Variants in PREX1 observed in about 807,000 individuals in gnomAD.
PREX1 encodes phosphatidylinositol-3,4,5-trisphosphate dependent Rac exchange factor 1.
In PREX1, 41 loss-of-function variants were observed where a neutral mutation model predicts 198.3. That is an observed-to-expected ratio of 0.21 (90% CI 0.16 to 0.27). The LOEUF is 0.27. Among genes scored for constraint, PREX1 ranks in the 10% least tolerant of loss-of-function variants. The probability of loss-of-function intolerance (pLI) is 1.00; values close to 1 mark genes in which losing one functional copy is unlikely to be tolerated. For synonymous variants in PREX1, 843 were observed against 887.2 expected (o/e 0.95, Z 0.89); for missense variants, 1,620 against 2,200.7 (o/e 0.74, Z 5.28).
At position 48,650,957 on chromosome 20, in the gene PREX1, C is replaced by T. The variant is rs985041507; in HGVS notation, c.2754G>A (p.Glu918=). 1.9e-6 allele frequency: 3 copies of T among 1,614,218 alleles called. No individual in the cohort carries two copies. Among genetic ancestry groups the T allele is most frequent in the Non-Finnish European group, 2.5e-6 (3 of 1,180,046 alleles). Residue 918 remains glutamate, a synonymous_variant, in exon 23 of 40, where the codon GAG becomes GAA. Transcript: ENST00000371941. ...SSAIVTMPHF[E]FRNICDTKLE... Reference sequence around the variant, plus strand: ...GCTTGGTGTCACAGATGTTGCGGAACTCAAAGTGGGGCATGGTCACGATGG... The same window carrying T: ...GCTTGGTGTCACAGATGTTGCGGAATTCAAAGTGGGGCATGGTCACGATGG...
At chr20:48,769,692 C>T (rs552231979) in intron 1 of PREX1, among the ~76,000 whole-genome samples, 26 of 152,328 alleles carry the variant, frequency 1.7e-4, no homozygotes, top group African/African-American at 5.8e-4. Flanking sequence ...CCTGTCACCA[C>T]GTAACCACAT....
rs1257220716 is a variant in PREX1, at chr20:48,663,522, C to T, written c.1738+2761G>A. On this transcript the variant is annotated intron_variant, in intron 15 of 39. Coordinates refer to ENST00000371941, the MANE Select transcript of PREX1 (RefSeq NM_020820.4). ...AGCCTGGGTGACAAGAGTGAGACTT[C>T]GTCTCAAAAAACAAACTATGGCTCA... is the stretch of plus-strand genomic sequence containing the variant. Among the ~76,000 whole-genome samples the T allele has an allele frequency of 6.6e-5, 10 of 152,140 alleles. No individual in the cohort carries two copies. The South Asian group carries it at 8.3e-4, about 13-fold the overall frequency.
chr20:48,634,551 T>A (rs1386543509), intron 33 of PREX1, 125 bp downstream of exon 33: 1 of 859,832 alleles, frequency 1.2e-6, no homozygotes, highest in Non-Finnish European at 1.8e-6. Context: ...TTGACAGCAC[T>A]GAGTACTGAG....
chr20:48,759,107 T>C lies in PREX1; in HGVS notation c.220-11227A>G, dbSNP rs551411434. Among the ~76,000 whole-genome samples, 65 of 152,230 alleles carry C rather than the reference T, an allele frequency of 4.3e-4. 1 individual carries two copies. Among genetic ancestry groups the C allele is most frequent in the African/African-American group, 1.5e-3 (64 of 41,562 alleles). On this transcript the variant is annotated intron_variant, in intron 1 of 39. Transcript: ENST00000371941. The stretch of plus-strand genomic sequence containing the variant: ...GTAAGAGTGGATGAGGCTCAAAGGC[T>C]AGAACTAGCCACCTGGTTCAAATCC...
intron 33 of PREX1, among the ~76,000 whole-genome samples, chr20:48,633,981 TGATGGTTGGATG>T (rs1280443936): frequency 3.9e-5 from 6 of 151,900 alleles, no homozygotes; most frequent in African/African-American, 1.2e-4. Flanking sequence ...GACGGATGGA[TGATGGTTGGATG>T]GATGGATGGA....
Position 48,817,908 on chromosome 20 carries a change from C to T in PREX1, c.219+9734G>A, listed in dbSNP as rs1026989795. On this transcript the variant is annotated intron_variant, in intron 1 of 39. Coordinates refer to ENST00000371941, the MANE Select transcript of PREX1 (RefSeq NM_020820.4). ...ATTCTCTTGGCATGCCTGTGACATT[C>T]CAGCGAGGGAGGCAGACAATAAGTA... Among the ~76,000 whole-genome samples, 10 of 152,190 alleles carry T rather than the reference C, an allele frequency of 6.6e-5. No homozygotes were observed. In the South Asian group the frequency reaches 2.1e-3, roughly 32 times the overall value.
chr20:48,649,897 G>A lies in PREX1; in HGVS notation c.3028+99C>T, dbSNP rs73911610. The A allele has an allele frequency of 2.6e-3, 3,601 of 1,385,542 alleles. 50 individuals are homozygous for A. The African/African-American group carries it at 0.028, about 11-fold the overall frequency. 85.8% of individuals were successfully genotyped at this position (1,385,542 alleles called of 1,614,324 possible). A position where few individuals can be genotyped will look rare whatever the true frequency, so the allele number is the denominator to read the frequency against. ...GGTCATCCCTGATGACCATGGAGCC[G>A]CCATTCCAGCCCTGGACGGCTGACC... On this transcript the variant is annotated intron_variant, in intron 24 of 39. Transcript: ENST00000371941.
the PREX1 span, among the ~76,000 whole-genome samples, chr20:48,870,260 TAAAAC>T: frequency 2.6e-5 from 4 of 152,182 alleles, no homozygotes; most frequent in Admixed American, 6.6e-5. Flanking sequence ...TTTAAAAAAC[TAAAAC>T]AAAACAAAAT....
At chr20:48,806,430 T>C (rs1401458840) in intron 1 of PREX1, among the ~76,000 whole-genome samples, 1 of 152,240 alleles carries the variant, frequency 6.6e-6, no homozygotes, top group Non-Finnish European at 1.5e-5. Context: ...TGGTCATTTT[T>C]TGTTTGTTCT....
chr20:48,740,825 T>C (rs2090078070), intron 3 of PREX1, among the ~76,000 whole-genome samples: 1 of 152,276 alleles, frequency 6.6e-6, no homozygotes, highest in Non-Finnish European at 1.5e-5. Flanking sequence ...TGGTGTGATG[T>C]AAGCAGCCTC....
Position 48,650,258 on chromosome 20 carries a change from T to A in PREX1, c.2818-52A>T, listed in dbSNP as rs572501759. On this transcript the variant is annotated intron_variant, in intron 23 of 39. Transcript: ENST00000371941. The stretch of plus-strand genomic sequence containing the variant: ...TGAATCACAGGGCAGGGTCTGGAAA[T>A]ATTGGCCCATACCCAGTACCCACTT... 10 of 1,531,256 alleles carry A rather than the reference T, an allele frequency of 6.5e-6. No individual in the cohort carries two copies. In the Admixed American group the frequency reaches 1.3e-4, roughly 21 times the overall value. 94.9% of individuals were successfully genotyped at this position (1,531,256 alleles called of 1,614,324 possible). A position where few individuals can be genotyped will look rare whatever the true frequency, so the allele number is the denominator to read the frequency against.
At chr20:48,774,308 G>A (rs770338209) in intron 1 of PREX1, among the ~76,000 whole-genome samples, 4 of 152,232 alleles carry the variant, frequency 2.6e-5, no homozygotes, top group Non-Finnish European at 5.9e-5. Context: ...GGACACCAGA[G>A]CGGAGGCCTG....
chr20:48,632,723 C>T, intron 33 of PREX1, 84 bp from the exon 34 acceptor site: 2 of 1,493,220 alleles, frequency 1.3e-6, no homozygotes, highest in South Asian at 2.4e-5. Context: ...GAACAGCTGG[C>T]ACCTCCCTGC....
In PREX1 at chr20:48,667,989, G is replaced by A. The variant is rs540458548; in HGVS notation, c.1666-1634C>T. Among the ~76,000 whole-genome samples the A allele has an allele frequency of 5.3e-5, 8 of 152,326 alleles. No individual in the cohort carries two copies. The South Asian group carries it at 1.7e-3, about 32-fold the overall frequency. On this transcript the variant is annotated intron_variant, in intron 14 of 39. Coordinates refer to ENST00000371941, the MANE Select transcript of PREX1 (RefSeq NM_020820.4). ...AGCTTCTCAGCATTTCCCGGTGCCA[G>A]TTCTTCCTAAGGCCTCCTAGGCCTG...
At chr20:48,651,157 A>T (rs1006105193) in intron 22 of PREX1, 102 bp from the exon 23 acceptor site, 1 of 1,432,744 alleles carries the variant, frequency 7.0e-7, no homozygotes, top group African/African-American at 1.4e-5. Context: ...ACCCCCCGGG[A>T]AGTCAGGTGT....
chr20:48,773,266 CAAAAAAAAAAAAAAA>C (rs55740822), intron 1 of PREX1, among the ~76,000 whole-genome samples: 14 of 65,886 alleles, frequency 2.1e-4, no homozygotes, highest in Middle Eastern at 0.013. Flanking sequence ...GACTTGGTCT[CAAAAAAAAAAAAAAA>C]AAAAAAAAAG....
chr20:48,816,942 T>C (rs576659043), intron 1 of PREX1, among the ~76,000 whole-genome samples: 1 of 152,330 alleles, frequency 6.6e-6, no homozygotes, highest in African/African-American at 2.4e-5. Context: ...TGGTAACTTG[T>C]TTGGCAGCAA....
chr20:48,745,197 G>A, intron 2 of PREX1, 50 bp from the exon 3 acceptor site: 1 of 1,556,076 alleles, frequency 6.4e-7, no homozygotes, highest in Non-Finnish European at 8.7e-7. Flanking sequence ...CAGAGGGAGA[G>A]CAAAGCCAAG....
chr20:48,678,902 T>C (rs1301883335), intron 13 of PREX1, among the ~76,000 whole-genome samples: 1 of 152,188 alleles, frequency 6.6e-6, no homozygotes, highest in African/African-American at 2.4e-5. Context: ...GGTGACACTT[T>C]ATGCAGGTAG....
Sources: allele counts gnomAD v4.1 joint callset (sites outside exome capture counted in the v4.1 genomes callset), GRCh38; gene constraint gnomAD v4.1.1; transcripts MANE v1.5; gene names NCBI Gene and HGNC (gene_info 2026-07-23, HGNC 2026-07-21).